BPIFB6: variants seen among roughly 807,000 people sequenced by gnomAD.
The protein encoded by BPIFB6 is BPI fold-containing family B member 6.
A neutral mutation model predicts 54.7 loss-of-function variants in BPIFB6; 47 were observed. The ratio of observed to expected loss-of-function variants is 0.86; its 90% CI spans 0.68 to 1.10. The LOEUF is 1.10. Ranked by LOEUF, BPIFB6 falls within the 50% of genes least tolerant of loss-of-function variation. The pLI is 0.00. For synonymous variants in BPIFB6, 255 were observed against 225.9 expected (o/e 1.13, Z -1.16); for missense variants, 603 against 564.1 (o/e 1.07, Z -0.70).
At chr20:33,040,672 C>T (rs1436885141) in intron 11 of BPIFB6, among the ~76,000 whole-genome samples, 1 of 152,230 alleles carries the variant, frequency 6.6e-6, no homozygotes, top group Non-Finnish European at 1.5e-5. Flanking sequence ...ATGCCACCTC[C>T]TCCACGAAGC....
At chr20:33,031,793 G>T in intron 1 of BPIFB6, 49 bp downstream of exon 1, 1 of 1,497,380 alleles carries the variant, frequency 6.7e-7, no homozygotes. Context: ...GGTGCTTGGG[G>T]TAGGTGGTAG....
rs765689282 is a variant in BPIFB6 at position 33,043,332 on chromosome 20, A to G, written c.1294A>G (p.Met432Val). The change falls in exon 14 of 15, where the codon ATG becomes GTG. Residue 432 changes from methionine (M) to valine (V), a missense_variant. Met to Val is a conservative substitution (Grantham distance 21). Transcript: ENST00000349552. ...GCTCCCACTCCCGGACTTTCTGGCC[A>G]TGAATTACAACCTGGCTGAGCTGGA... ...VGLPLPDFLA[M>V]NYNLAELDIV... The G allele has an allele frequency of 1.9e-6, 3 of 1,614,220 alleles. No homozygotes were observed. Among genetic ancestry groups the G allele is most frequent in the Admixed American group, 3.3e-5 (2 of 60,026 alleles).
chr20:33,032,327 C>T (rs2146362501), intron 1 of BPIFB6, among the ~76,000 whole-genome samples: 2 of 152,262 alleles, frequency 1.3e-5, no homozygotes, highest in South Asian at 4.1e-4. Flanking sequence ...TGTGCCCTCT[C>T]TGGAATTAGC....
At chr20:33,034,081 A>C in intron 2 of BPIFB6, 105 bp from the exon 3 acceptor site, 1 of 795,396 alleles carries the variant, frequency 1.3e-6, no homozygotes. Flanking sequence ...ATGGGATAGG[A>C]GGCCGGGGTT....
At chr20:33,036,393 G>A (rs1979341882) in intron 6 of BPIFB6, 52 bp from the exon 7 acceptor site, 2 of 1,506,986 alleles carry the variant, frequency 1.3e-6, no homozygotes. Context: ...CAGCTTCTCT[G>A]GGCTGTTCCT....
intron 7 of BPIFB6, 103 bp downstream of exon 7, chr20:33,036,639 G>A (rs1242605994): frequency 8.9e-7 from 1 of 1,118,340 alleles, no homozygotes; most frequent in Non-Finnish European, 1.4e-6. Context: ...GGCTGTGGAG[G>A]GAGGGAGGCC....
At position 33,032,356 on chromosome 20, in the gene BPIFB6, T is replaced by C. The variant is rs151133084; in HGVS notation, c.97+612T>C. On this transcript the variant is annotated intron_variant, in intron 1 of 14. Coordinates refer to ENST00000349552, the MANE Select transcript of BPIFB6 (RefSeq NM_174897.2). ...AATTAGCTTGTGACCATAATGGAGG[T>C]GTTTCTGGCGGGGTGTTACTTGGGG... 3.8e-3 allele frequency among the ~76,000 whole-genome samples: 572 copies of C among 152,160 alleles called. 5 individuals are homozygous for C. Among genetic ancestry groups the C allele is most frequent in the African/African-American group, 0.014 (561 of 41,488 alleles).
chr20:33,040,985 C>CT (rs59134684), intron 11 of BPIFB6, among the ~76,000 whole-genome samples: 1,494 of 116,798 alleles, frequency 0.013, 15 homozygotes, highest in Middle Eastern at 0.037. Context: ...AGGAGTAGTT[C>CT]TTTTTTTTTT....
intron 8 of BPIFB6, 59 bp from the exon 9 acceptor site, chr20:33,038,850 T>C: frequency 6.6e-7 from 1 of 1,515,550 alleles, no homozygotes; most frequent in Non-Finnish European, 9.2e-7. Flanking sequence ...AGTGGAGATG[T>C]TTGTTAGGAT....
chr20:33,041,965 C>G lies in BPIFB6; in HGVS notation c.1143-5C>G. On this transcript the variant is annotated splice_polypyrimidine_tract_variant and splice_region_variant and intron_variant, in intron 11 of 14. Coordinates refer to ENST00000349552, the MANE Select transcript of BPIFB6 (RefSeq NM_174897.2). The stretch of plus-strand genomic sequence containing the variant: ...CGCCTGGCTTGCTTCCCCACTCCCC[C>G]ACAGATTACTGAGCTTGTCCCGGAA... 6.2e-7 allele frequency: 1 copy of G among 1,614,098 alleles called. No homozygotes were observed. The highest frequency in any genetic ancestry group is 8.5e-7 in the Non-Finnish European group (1 of 1,179,976).
Position 33,033,626 on chromosome 20 carries a change from C to T in BPIFB6, c.197+543C>T, listed in dbSNP as rs1202338470. The T allele has an allele frequency of 6.6e-6, 3 of 456,844 alleles. No homozygotes were observed. In the Admixed American group the frequency reaches 7.0e-5, roughly 11 times the overall value. The allele number at this position is 456,844 out of a possible 1,614,324, so 28.3% of individuals were successfully genotyped here. A position where few individuals can be genotyped will look rare whatever the true frequency, so the allele number is the denominator to read the frequency against. On this transcript the variant is annotated intron_variant, in intron 2 of 14. Coordinates refer to ENST00000349552, the MANE Select transcript of BPIFB6 (RefSeq NM_174897.2). Reference sequence around the variant, plus strand: ...TGGGCAAGTGGGGGTATGTGTGCCACATCTTTTGTTACCCTGGATCTCAAC... The same window carrying T: ...TGGGCAAGTGGGGGTATGTGTGCCATATCTTTTGTTACCCTGGATCTCAAC...
rs765819076 is a variant in BPIFB6 at position 33,041,950 on chromosome 20, G to T, written c.1143-20G>T. On this transcript the variant is annotated intron_variant, in intron 11 of 14. Coordinates refer to ENST00000349552, the MANE Select transcript of BPIFB6 (RefSeq NM_174897.2). ...GTTCTTTCCCCTCCCCGCCTGGCTT[G>T]CTTCCCCACTCCCCCACAGATTACT... 2 of 1,613,544 alleles carry T rather than the reference G, an allele frequency of 1.2e-6. No homozygotes were observed. Among genetic ancestry groups the T allele is most frequent in the East Asian group, 2.2e-5 (1 of 44,860 alleles).
At chr20:33,043,759 G>A (rs1310071666) in intron 14 of BPIFB6, among the ~76,000 whole-genome samples, 1 of 152,142 alleles carries the variant, frequency 6.6e-6, no homozygotes, top group African/African-American at 2.4e-5. Context: ...TTTGAGCTTC[G>A]AGTGGTAAAT....
chr20:33,034,084 C>A, intron 2 of BPIFB6, 102 bp from the exon 3 acceptor site: 1 of 813,860 alleles, frequency 1.2e-6, no homozygotes, highest in South Asian at 1.4e-5. Flanking sequence ...GGATAGGAGG[C>A]CGGGGTTATC....
chr20:33,043,024 A>C, intron 13 of BPIFB6, 146 bp downstream of exon 13: 1 of 765,308 alleles, frequency 1.3e-6, no homozygotes, highest in Non-Finnish European at 2.1e-6. Flanking sequence ...GAATCTTTGA[A>C]GTGAATATAG....
intron 11 of BPIFB6, among the ~76,000 whole-genome samples, chr20:33,041,300 G>A (rs79462353): frequency 3.3e-5 from 5 of 152,068 alleles, no homozygotes; most frequent in Non-Finnish European, 7.4e-5. Flanking sequence ...AACTTTAGGG[G>A]TAGCTCTGCC....
chr20:33,035,227 C>A, intron 5 of BPIFB6, 83 bp downstream of exon 5: 1 of 1,407,162 alleles, frequency 7.1e-7, no homozygotes, highest in Non-Finnish European at 9.9e-7. Flanking sequence ...ATGTTGGGTG[C>A]TGACCCTGAT....
intron 1 of BPIFB6, among the ~76,000 whole-genome samples, chr20:33,032,279 G>A (rs908237994): frequency 6.6e-6 from 1 of 152,160 alleles, no homozygotes; most frequent in Non-Finnish European, 1.5e-5. Context: ...TCACATCCAG[G>A]TACAAAAGGC....
intron 2 of BPIFB6, 72 bp downstream of exon 2, chr20:33,033,155 T>G: frequency 8.6e-7 from 1 of 1,158,196 alleles, no homozygotes; most frequent in Non-Finnish European, 1.3e-6. Flanking sequence ...GCCCAAGATC[T>G]TAGCAGGCCA....
Sources: allele counts gnomAD v4.1 joint callset (sites outside exome capture counted in the v4.1 genomes callset), GRCh38; gene constraint gnomAD v4.1.1; transcripts MANE v1.5; gene names NCBI Gene and HGNC (gene_info 2026-07-23, HGNC 2026-07-21).